RBFOX1: variants seen among roughly 807,000 people sequenced by gnomAD.
The protein encoded by RBFOX1 is RNA binding fox-1 homolog 1, also known as RNA binding protein fox-1 homolog 1.
Under a neutral mutation model 57.7 loss-of-function variants are expected in RBFOX1, and 8 were observed. That is an observed-to-expected ratio of 0.14 (90% CI 0.08 to 0.25). The LOEUF (loss-of-function observed/expected upper bound fraction) is 0.25, where lower values mean the gene tolerates loss of function less well. Ranked by LOEUF, RBFOX1 falls within the 10% of genes least tolerant of loss-of-function variation. The pLI, the probability that RBFOX1 is intolerant of heterozygous loss-of-function variation, is 1.00. For synonymous variants in RBFOX1, 326 were observed against 222.4 expected (o/e 1.47, Z -4.15); for missense variants, 611 against 548.5 (o/e 1.11, Z -1.14).
At chr16:7,693,955 T>C (rs573646790) in intron 14 of RBFOX1, among the ~76,000 whole-genome samples, 2 of 152,310 alleles carry the variant, frequency 1.3e-5, no homozygotes, top group South Asian at 4.1e-4. Context: ...TCTTTTGGTT[T>C]TGAAACCAGG....
At chr16:5,989,778 C>A (rs1040733748) in intron 4 of RBFOX1, among the ~76,000 whole-genome samples, 1 of 151,386 alleles carries the variant, frequency 6.6e-6, no homozygotes, top group Non-Finnish European at 1.5e-5. Context: ...TGGGCTAAGT[C>A]ATCCAGGTAG....
chr16:5,804,362 G>C (rs970042980), intron 3 of RBFOX1, among the ~76,000 whole-genome samples: 4 of 152,206 alleles, frequency 2.6e-5, no homozygotes, highest in Admixed American at 6.5e-5. Context: ...CATAAACTTA[G>C]TTTATTGGTG....
intron 2 of RBFOX1, among the ~76,000 whole-genome samples, chr16:6,607,244 C>T (rs1026807174): frequency 6.6e-6 from 1 of 152,204 alleles, no homozygotes; most frequent in South Asian, 2.1e-4. Flanking sequence ...TTTGAACCAT[C>T]TTGGAACAAT....
At chr16:6,618,109 C>G (rs1377914616) in intron 2 of RBFOX1, among the ~76,000 whole-genome samples, 2 of 152,020 alleles carry the variant, frequency 1.3e-5, no homozygotes, top group Non-Finnish European at 2.9e-5. Flanking sequence ...CCCTTTCTTC[C>G]ACCTTATCCT....
At chr16:7,462,171 C>T (rs750547963) in intron 4 of RBFOX1, among the ~76,000 whole-genome samples, 9 of 152,198 alleles carry the variant, frequency 5.9e-5, no homozygotes, top group African/African-American at 1.9e-4. Context: ...CGGAGGGAAA[C>T]AGCGGGTCAC....
chr16:5,911,400 C>T (rs1597754973), intron 4 of RBFOX1, among the ~76,000 whole-genome samples: 1 of 152,214 alleles, frequency 6.6e-6, no homozygotes, highest in African/African-American at 2.4e-5. Context: ...AGACCTCTTG[C>T]TGTTGAGATA....
intron 4 of RBFOX1, among the ~76,000 whole-genome samples, chr16:7,307,556 G>C (rs998780888): frequency 8.5e-5 from 13 of 152,138 alleles, no homozygotes; most frequent in Admixed American, 5.9e-4. Flanking sequence ...CTTTTATCTA[G>C]ATAAGTGTTT....
chr16:5,371,231 A>G (rs1401825749), intron 1 of RBFOX1, among the ~76,000 whole-genome samples: 1 of 152,240 alleles, frequency 6.6e-6, no homozygotes, highest in Non-Finnish European at 1.5e-5. Context: ...TACAGGCGTG[A>G]GCCCCCTGTG....
chr16:6,894,108 A>T (rs538045471), intron 3 of RBFOX1, among the ~76,000 whole-genome samples: 1 of 152,224 alleles, frequency 6.6e-6, no homozygotes, highest in Non-Finnish European at 1.5e-5. Flanking sequence ...ACGAACAGAT[A>T]CAAACATACA....
At chr16:7,153,727 CAAAAAA>C (rs113270300) in intron 4 of RBFOX1, among the ~76,000 whole-genome samples, 1 of 128,788 alleles carries the variant, frequency 7.8e-6, no homozygotes, top group Admixed American at 8.0e-5. Flanking sequence ...GACAGTGTCT[CAAAAAA>C]AAAAAAAATA....
At chr16:5,992,873 G>T (rs1158496069) in intron 4 of RBFOX1, among the ~76,000 whole-genome samples, 1 of 152,184 alleles carries the variant, frequency 6.6e-6, no homozygotes, top group Non-Finnish European at 1.5e-5. Context: ...GGTGGAAGAG[G>T]TTGCAGTGAG....
chr16:6,928,511 C>T lies in RBFOX1; in HGVS notation c.-15-123546C>T, dbSNP rs537231362. On this transcript the variant is annotated intron_variant, in intron 3 of 15. Transcript: ENST00000550418. ...AGACTGCTTTCATGCGTTAATTATG[C>T]ACCTCTTGTCTTCTCTAATCGTTTT... Among the ~76,000 whole-genome samples the T allele has an allele frequency of 7.9e-5, 12 of 152,218 alleles. No homozygotes were observed. The South Asian group carries it at 2.3e-3, about 29-fold the overall frequency.
chr16:6,297,569 G>T (rs1308675357), intron 1 of RBFOX1, among the ~76,000 whole-genome samples: 4 of 152,048 alleles, frequency 2.6e-5, no homozygotes, highest in African/African-American at 9.7e-5. Context: ...GGAAATACTG[G>T]GTAGAAGAGG....
chr16:5,766,428 G>T (rs1281770524), intron 3 of RBFOX1, among the ~76,000 whole-genome samples: 1 of 152,002 alleles, frequency 6.6e-6, no homozygotes, highest in East Asian at 1.9e-4. Context: ...CTACTAAAAT[G>T]CAAAAAATTA....
At chr16:6,296,147 C>G (rs894059188) in intron 1 of RBFOX1, among the ~76,000 whole-genome samples, 5 of 152,168 alleles carry the variant, frequency 3.3e-5, no homozygotes, top group South Asian at 2.1e-4. Flanking sequence ...GTTGGAAGGT[C>G]CCTCACTTCG....
At chr16:6,246,653 T>G (rs2097570632) in intron 1 of RBFOX1, among the ~76,000 whole-genome samples, 2 of 152,206 alleles carry the variant, frequency 1.3e-5, no homozygotes, top group South Asian at 2.1e-4. Context: ...ATGCAAAATG[T>G]TAGATGTCAC....
intron 2 of RBFOX1, among the ~76,000 whole-genome samples, chr16:5,531,416 C>T (rs1424827504): frequency 6.6e-6 from 1 of 152,156 alleles, no homozygotes; most frequent in East Asian, 1.9e-4. Flanking sequence ...AAATTGAGAA[C>T]TCACAAAGGC....
intron 3 of RBFOX1, among the ~76,000 whole-genome samples, chr16:6,742,779 C>G (rs569211829): frequency 9.9e-5 from 15 of 151,938 alleles, no homozygotes; most frequent in African/African-American, 2.2e-4. Context: ...AACACTTTGA[C>G]CATGAGAGAA....
chr16:5,470,818 A>T (rs770802079), intron 2 of RBFOX1, among the ~76,000 whole-genome samples: 5 of 152,088 alleles, frequency 3.3e-5, no homozygotes, highest in Non-Finnish European at 7.3e-5. Context: ...CCCTGAAAGC[A>T]TCAGCATTTT....
Sources: allele counts gnomAD v4.1 joint callset (sites outside exome capture counted in the v4.1 genomes callset), GRCh38; gene constraint gnomAD v4.1.1; transcripts MANE v1.5; gene names NCBI Gene and HGNC (gene_info 2026-07-23, HGNC 2026-07-21).